The following SLC39A11 variants were observed in gnomAD, a reference collection of about 807,000 sequenced individuals.
SLC39A11 encodes solute carrier family 39 member 11.
Under a neutral mutation model 36.1 loss-of-function variants are expected in SLC39A11, and 33 were observed. The observed-to-expected ratio is 0.91, with a 90% CI of 0.69 to 1.22. The LOEUF (loss-of-function observed/expected upper bound fraction) is 1.22. Among genes scored for constraint, SLC39A11 ranks in the 50% most tolerant of loss-of-function variants. The pLI, the probability that SLC39A11 is intolerant of heterozygous loss-of-function variation, is 0.00. For synonymous variants in SLC39A11, 166 were observed against 170.3 expected (o/e 0.97, Z 0.20); for missense variants, 432 against 430.3 (o/e 1.00, Z -0.03).
intron 7 of SLC39A11, among the ~76,000 whole-genome samples, chr17:72,717,747 T>C (rs533892845): frequency 1.3e-5 from 2 of 152,306 alleles, no homozygotes; most frequent in South Asian, 2.1e-4. Flanking sequence ...CTTCCATACC[T>C]TTCTGGGGTG....
intron 5 of SLC39A11, among the ~76,000 whole-genome samples, chr17:72,944,036 G>A (rs2085275265): frequency 6.6e-6 from 1 of 152,144 alleles, no homozygotes; most frequent in African/African-American, 2.4e-5. Flanking sequence ...CCCATGACAG[G>A]ATCCAATCAG....
intron 5 of SLC39A11, among the ~76,000 whole-genome samples, chr17:72,855,917 A>C (rs2079619720): frequency 6.6e-6 from 1 of 151,956 alleles, no homozygotes; most frequent in African/African-American, 2.4e-5. Context: ...AAAGCAGAAT[A>C]GAAGGGGATC....
intron 6 of SLC39A11, among the ~76,000 whole-genome samples, chr17:72,831,784 A>C (rs1429934315): frequency 1.3e-5 from 2 of 152,214 alleles, no homozygotes; most frequent in African/African-American, 4.8e-5. Context: ...TATTAAGAAG[A>C]AGCATCCGAA....
rs3222866 is a variant in SLC39A11, at chr17:72,676,070, TCACA to T, written c.672-26806_672-26803del. On this transcript the variant is annotated intron_variant, in intron 7 of 9. Transcript: ENST00000255559. ...TCACTCTCCTTCAACTCACAATGTT[TCACA>T]CACACACACACACACACACACACAC... Among the ~76,000 whole-genome samples the T allele has an allele frequency of 4.1e-3, 539 of 129,950 alleles. 1 individual carries two copies. Among genetic ancestry groups the T allele is most frequent in the East Asian group, 0.021 (100 of 4,708 alleles). 85.3% of individuals were successfully genotyped at this position (129,950 alleles called of 152,430 possible).
At chr17:72,901,462 T>C (rs1183732446) in intron 5 of SLC39A11, among the ~76,000 whole-genome samples, 1 of 152,104 alleles carries the variant, frequency 6.6e-6, no homozygotes, top group Non-Finnish European at 1.5e-5. Flanking sequence ...TCTCCGTACA[T>C]AAGAAGTAGA....
intron 7 of SLC39A11, among the ~76,000 whole-genome samples, chr17:72,686,665 C>A (rs746887023): frequency 1.6e-4 from 25 of 152,204 alleles, no homozygotes; most frequent in African/African-American, 5.1e-4. Context: ...TATGGCCCAA[C>A]GACATGCTAG....
chr17:72,990,528 C>T (rs1352119293), intron 4 of SLC39A11, among the ~76,000 whole-genome samples: 1 of 152,152 alleles, frequency 6.6e-6, no homozygotes, highest in Admixed American at 6.5e-5. Flanking sequence ...AGCGATTCTC[C>T]TGCCTCAGCC....
intron 6 of SLC39A11, among the ~76,000 whole-genome samples, chr17:72,765,267 C>T (rs939622815): frequency 2.6e-5 from 4 of 152,142 alleles, no homozygotes; most frequent in Non-Finnish European, 5.9e-5. Context: ...TTGACTCAAT[C>T]GGTTCTGAAG....
chr17:73,079,654 G>A (rs922593756), intron 3 of SLC39A11, among the ~76,000 whole-genome samples: 11 of 152,066 alleles, frequency 7.2e-5, no homozygotes, highest in African/African-American at 2.7e-4. Context: ...ACAGCAATCA[G>A]ACAAGAGAAA....
intron 6 of SLC39A11, among the ~76,000 whole-genome samples, chr17:72,817,268 A>G (rs145095418): frequency 1.4e-5 from 2 of 144,644 alleles, no homozygotes; most frequent in East Asian, 4.6e-4. Context: ...GCAGAGGTCA[A>G]TGGCAAGAGA....
At chr17:73,062,462 A>AG (rs2144270578) in intron 3 of SLC39A11, among the ~76,000 whole-genome samples, 3 of 101,488 alleles carry the variant, frequency 3.0e-5, no homozygotes, top group East Asian at 2.6e-4. Flanking sequence ...AGCTTGTCTC[A>AG]AAAAAAAAAA....
At chr17:72,906,935 T>G (rs2082684984) in intron 5 of SLC39A11, among the ~76,000 whole-genome samples, 1 of 152,124 alleles carries the variant, frequency 6.6e-6, no homozygotes. Context: ...GCACCGGAGA[T>G]CAGGGCTGCC....
chr17:72,698,361 T>C (rs2072416867), intron 7 of SLC39A11, among the ~76,000 whole-genome samples: 1 of 152,036 alleles, frequency 6.6e-6, no homozygotes, highest in Non-Finnish European at 1.5e-5. Context: ...GTTGGTTTGC[T>C]ATTGTTGATA....
chr17:72,858,980 C>T (rs1008360728), intron 5 of SLC39A11, among the ~76,000 whole-genome samples: 2 of 152,144 alleles, frequency 1.3e-5, no homozygotes, highest in African/African-American at 2.4e-5. Context: ...ATTTGGATGC[C>T]CTGTATTTCT....
intron 3 of SLC39A11, among the ~76,000 whole-genome samples, chr17:73,043,690 G>A (rs1182171640): frequency 6.6e-6 from 1 of 152,132 alleles, no homozygotes; most frequent in Admixed American, 6.5e-5. Context: ...TGTGACACAG[G>A]GCAGGAGACC....
chr17:72,876,002 T>C (rs2080881830), intron 5 of SLC39A11, among the ~76,000 whole-genome samples: 1 of 152,198 alleles, frequency 6.6e-6, no homozygotes, highest in Non-Finnish European at 1.5e-5. Flanking sequence ...CTGTATATAA[T>C]GCCCCTTAAT....
chr17:72,962,735 T>C (rs981565392), intron 4 of SLC39A11, among the ~76,000 whole-genome samples: 6 of 151,994 alleles, frequency 3.9e-5, no homozygotes, highest in Non-Finnish European at 7.4e-5. Flanking sequence ...CGGGGTTTCA[T>C]CACATTGGTG....
chr17:72,999,589 G>C (rs994507028), intron 4 of SLC39A11, among the ~76,000 whole-genome samples: 2 of 152,226 alleles, frequency 1.3e-5, no homozygotes, highest in African/African-American at 4.8e-5. Flanking sequence ...TCTCCAAGGA[G>C]TAATCCCTAG....
chr17:72,979,149 G>A (rs1224104132), intron 4 of SLC39A11, among the ~76,000 whole-genome samples: 2 of 152,122 alleles, frequency 1.3e-5, no homozygotes, highest in Admixed American at 6.5e-5. Flanking sequence ...CACGAGATCT[G>A]ATGGTTTTAT....
Sources: gnomAD v4.1 joint callset for allele counts (sites outside exome capture counted in the v4.1 genomes callset) on GRCh38, gnomAD v4.1.1 for gene constraint, MANE v1.5 for transcripts, NCBI Gene and HGNC (gene_info 2026-07-23, HGNC 2026-07-21) for gene names.